Variants in SUMF1 observed in about 807,000 individuals in gnomAD.
The protein encoded by SUMF1 is sulfatase modifying factor 1.
Under a neutral mutation model 47.6 loss-of-function variants are expected in SUMF1, and 48 were observed. The ratio of observed to expected loss-of-function variants is 1.01; its 90% CI spans 0.80 to 1.28. SUMF1 has a LOEUF of 1.28. Among genes scored for constraint, SUMF1 ranks in the 50% most tolerant of loss-of-function variants. SUMF1 has a pLI of 0.00. For missense variants in SUMF1, 571 were observed against 485.4 expected (o/e 1.18, Z -1.66); for synonymous variants, 230 against 192.1 (o/e 1.20, Z -1.63).
intron 7 of SUMF1, among the ~76,000 whole-genome samples, chr3:4,381,677 A>T (rs2124879730): frequency 6.6e-6 from 1 of 152,364 alleles, no homozygotes; most frequent in Non-Finnish European, 1.5e-5. Context: ...GGAAAATAGA[A>T]GAGTTATGAG....
At position 4,148,381 on chromosome 3, in the gene SUMF1, T is replaced by C. The variant is rs769794870; in HGVS notation, c.1015-79636A>G. 4.6e-5 allele frequency among the ~76,000 whole-genome samples: 7 copies of C among 152,100 alleles called. 1 individual carries two copies. Among genetic ancestry groups the C allele is most frequent in the African/African-American group, 7.2e-5 (3 of 41,410 alleles). On this transcript the variant is annotated intron_variant and NMD_transcript_variant, in intron 8 of 12. Coordinates refer to the SUMF1 transcript ENST00000448413. ...TTGCTTCAGTTTAGTAGGTGGAAAATAAGCAATAGTAATCTTCTGGGTCAA... is the reference window on the plus strand; with the variant it reads ...TTGCTTCAGTTTAGTAGGTGGAAAACAAGCAATAGTAATCTTCTGGGTCAA...
chr3:4,051,129 GA>G (rs61131769), intron 9 of SUMF1, among the ~76,000 whole-genome samples: 27,400 of 140,184 alleles, frequency 0.2, 3,380 homozygotes, highest in East Asian at 0.6. Context: ...GCAAAAAAAA[GA>G]AAAAAAAAAA....
At chr3:4,116,771 T>C (rs1693432544) in intron 8 of SUMF1, among the ~76,000 whole-genome samples, 1 of 152,106 alleles carries the variant, frequency 6.6e-6, no homozygotes, top group African/African-American at 2.4e-5. Flanking sequence ...TAAACAACTA[T>C]TTACTTCTCA....
intron 8 of SUMF1, among the ~76,000 whole-genome samples, chr3:4,142,000 C>A (rs1201766023): frequency 6.6e-6 from 1 of 152,092 alleles, no homozygotes; most frequent in East Asian, 1.9e-4. Context: ...TTACAATCAG[C>A]AAACTACTAT....
chr3:4,287,541 G>A (rs1697657351), intron 8 of SUMF1, among the ~76,000 whole-genome samples: 2 of 152,006 alleles, frequency 1.3e-5, no homozygotes, highest in South Asian at 2.1e-4. Context: ...GATTTTCACT[G>A]GTATTTGCTT....
chr3:4,365,740 T>C (rs1432943485), intron 8 of SUMF1, among the ~76,000 whole-genome samples: 2 of 149,406 alleles, frequency 1.3e-5, no homozygotes, highest in Non-Finnish European at 3.0e-5. Flanking sequence ...TTGTTATGTG[T>C]GAATTTGATC....
intron 8 of SUMF1, among the ~76,000 whole-genome samples, chr3:4,271,728 C>G (rs1230323861): frequency 2.6e-5 from 4 of 152,170 alleles, no homozygotes; most frequent in Non-Finnish European, 5.9e-5. Context: ...TCTCAAACTC[C>G]TAGCCTCAAG....
chr3:4,118,627 A>G (rs564979337), intron 8 of SUMF1, among the ~76,000 whole-genome samples: 1 of 152,234 alleles, frequency 6.6e-6, no homozygotes, highest in African/African-American at 2.4e-5. Flanking sequence ...TAAACACACC[A>G]TAGTAACTAC....
intron 8 of SUMF1, chr3:4,316,880 C>T (rs780585765): frequency 3.7e-5 from 58 of 1,549,242 alleles, no homozygotes; most frequent in Admixed American, 7.8e-5. Context: ...CTCAGGAAAT[C>T]GATGAGATGA....
At chr3:4,063,806 A>G (rs963130909) in intron 9 of SUMF1, among the ~76,000 whole-genome samples, 1 of 152,208 alleles carries the variant, frequency 6.6e-6, no homozygotes, top group African/African-American at 2.4e-5. Flanking sequence ...ATCATATCAT[A>G]TACCTTATTA....
downstream of SUMF1, among the ~76,000 whole-genome samples, chr3:4,356,420 AGC>A (rs1699619178): frequency 2.5e-3 from 1 of 406 alleles, no homozygotes; most frequent in African/African-American, 0.01. Flanking sequence ...CCGTGGGGAC[AGC>A]GTGGGGACAG....
chr3:4,307,648 T>G (rs1204297308), intron 8 of SUMF1, among the ~76,000 whole-genome samples: 2 of 152,252 alleles, frequency 1.3e-5, no homozygotes, highest in African/African-American at 4.8e-5. Context: ...TTGCCGTGAT[T>G]GTTTTGCATT....
At chr3:4,160,806 C>T (rs1694558493) in intron 8 of SUMF1, among the ~76,000 whole-genome samples, 1 of 152,010 alleles carries the variant, frequency 6.6e-6, no homozygotes, top group East Asian at 1.9e-4. Flanking sequence ...ATTTCTGTCT[C>T]CTTGGAATTA....
chr3:4,256,360 G>A (rs1330109041), intron 8 of SUMF1, among the ~76,000 whole-genome samples: 1 of 105,474 alleles, frequency 9.5e-6, no homozygotes, highest in Middle Eastern at 4.0e-3. Context: ...AAAATTGATA[G>A]ACCACTAGCA....
In SUMF1 at chr3:4,362,183, T is replaced by A; in HGVS notation, c.1086A>T (p.Gly362=). ...GCAGGCGGTCGGCTGCACAGCGGAA[T>A]CCCAGATTCGAAGCAGAGCTATCAG... The part of the protein sequence containing the change: ...NTPDSSASNL[G]FRCAADRLPT... The change falls in exon 9 of 9, where the codon GGA becomes GGT. Residue 362 remains glycine (G), a synonymous_variant. Coordinates refer to ENST00000272902, the MANE Select transcript of SUMF1 (RefSeq NM_182760.4). 1 of 1,614,162 alleles carries A rather than the reference T, an allele frequency of 6.2e-7. No individual in the cohort carries two copies. The highest frequency in any genetic ancestry group is 8.5e-7 in the Non-Finnish European group (1 of 1,180,002).
intron 8 of SUMF1, among the ~76,000 whole-genome samples, chr3:4,223,653 TC>T (rs1173143857): frequency 3.3e-5 from 5 of 152,102 alleles, no homozygotes; most frequent in African/African-American, 1.2e-4. Context: ...GCCTGAATTT[TC>T]TTCTATACTC....
Position 4,136,766 on chromosome 3 carries a change from A to C in SUMF1, c.1015-68021T>G, listed in dbSNP as rs576234388. Reference sequence around the variant, plus strand: ...CCAGAATCTACAATGAACTCAAACAAATTTACAAGAAAAAAACAAACAACC... The same window carrying C: ...CCAGAATCTACAATGAACTCAAACACATTTACAAGAAAAAAACAAACAACC... On this transcript the variant is annotated intron_variant and NMD_transcript_variant, in intron 8 of 12. Transcript: ENST00000448413. Among the ~76,000 whole-genome samples, 110 of 150,328 alleles carry C rather than the reference A, an allele frequency of 7.3e-4. 2 individuals carry two copies. The highest frequency in any genetic ancestry group is 4.0e-3 in the South Asian group (19 of 4,726).
At chr3:4,176,936 CAAAG>C (rs986884794) in intron 8 of SUMF1, among the ~76,000 whole-genome samples, 18 of 152,192 alleles carry the variant, frequency 1.2e-4, no homozygotes, top group African/African-American at 4.1e-4. Context: ...TCAAAAGAGA[CAAAG>C]AAGGCCATTA....
chr3:4,378,377 C>T (rs1700394368), intron 7 of SUMF1, among the ~76,000 whole-genome samples: 1 of 152,106 alleles, frequency 6.6e-6, no homozygotes, highest in Admixed American at 6.6e-5. Flanking sequence ...CAATTGTAAA[C>T]TCAAAAAAAA....
Sources: allele counts gnomAD v4.1 joint callset (sites outside exome capture counted in the v4.1 genomes callset), GRCh38; gene constraint gnomAD v4.1.1; transcripts MANE v1.5; gene names NCBI Gene and HGNC (gene_info 2026-07-23, HGNC 2026-07-21).